The following GPC5 variants were observed in gnomAD, a reference collection of about 807,000 sequenced individuals.
GPC5 encodes glypican-5.
GPC5 carries 47 observed loss-of-function variants against 53.9 expected under a neutral mutation model. The ratio of observed to expected loss-of-function variants is 0.87; its 90% CI spans 0.69 to 1.11. The LOEUF (loss-of-function observed/expected upper bound fraction) is 1.11. Ranked by LOEUF, GPC5 falls within the 50% of genes most tolerant of loss-of-function variation. GPC5 has a pLI of 0.00. For missense variants in GPC5, 748 were observed against 713.1 expected (o/e 1.05, Z -0.56); for synonymous variants, 286 against 263.3 (o/e 1.09, Z -0.84).
At chr13:91,501,899 C>A (rs1243636727) in intron 2 of GPC5, among the ~76,000 whole-genome samples, 1 of 152,216 alleles carries the variant, frequency 6.6e-6, no homozygotes, top group Non-Finnish European at 1.5e-5. Flanking sequence ...ACATCCTCTC[C>A]AGCACCTGTT....
intron 7 of GPC5, among the ~76,000 whole-genome samples, chr13:92,482,243 G>T (rs9561068): frequency 0.58 from 88,702 of 151,950 alleles, 26,587 homozygotes; most frequent in East Asian, 0.74. Flanking sequence ...CATTTCAAAC[G>T]TGTCTTATGT....
chr13:92,125,015 T>C (rs1026619177), intron 6 of GPC5, among the ~76,000 whole-genome samples: 2 of 152,180 alleles, frequency 1.3e-5, no homozygotes, highest in African/African-American at 2.4e-5. Flanking sequence ...CAAGGAACTA[T>C]GTCTTGCCTC....
chr13:92,521,742 A>G (rs1318747560), intron 7 of GPC5, among the ~76,000 whole-genome samples: 1 of 152,216 alleles, frequency 6.6e-6, no homozygotes, highest in Non-Finnish European at 1.5e-5. Context: ...CTAAAACACC[A>G]AAAGCAATGG....
At chr13:92,844,450 G>A (rs990383907) in intron 7 of GPC5, among the ~76,000 whole-genome samples, 2 of 152,130 alleles carry the variant, frequency 1.3e-5, no homozygotes, top group Non-Finnish European at 2.9e-5. Context: ...AAATCTGGCA[G>A]AAGACTTAAC....
At chr13:91,681,492 G>A (rs1327519519) in intron 2 of GPC5, among the ~76,000 whole-genome samples, 1 of 152,150 alleles carries the variant, frequency 6.6e-6, no homozygotes, top group African/African-American at 2.4e-5. Context: ...TGGAATTTAT[G>A]CAGCATCACC....
intron 7 of GPC5, among the ~76,000 whole-genome samples, chr13:92,589,746 C>A (rs898819669): frequency 5.3e-5 from 8 of 152,132 alleles, no homozygotes; most frequent in African/African-American, 1.9e-4. Flanking sequence ...ATTAGTTAAA[C>A]TAGAGAGAAG....
intron 7 of GPC5, among the ~76,000 whole-genome samples, chr13:92,302,898 G>A (rs2043085056): frequency 6.6e-6 from 1 of 152,098 alleles, no homozygotes; most frequent in African/African-American, 2.4e-5. Context: ...GAGGATCAAA[G>A]GAGTGAAGAG....
At chr13:92,477,197 G>C (rs925487778) in intron 7 of GPC5, among the ~76,000 whole-genome samples, 3 of 152,088 alleles carry the variant, frequency 2.0e-5, no homozygotes, top group Admixed American at 2.0e-4. Flanking sequence ...GGAAACTATG[G>C]CTTTATATCT....
At chr13:91,904,009 A>G (rs1257359320) in intron 5 of GPC5, among the ~76,000 whole-genome samples, 6 of 152,130 alleles carry the variant, frequency 3.9e-5, no homozygotes, top group Admixed American at 6.6e-5. Context: ...GAAACACTGT[A>G]CGGCAAACCT....
intron 2 of GPC5, among the ~76,000 whole-genome samples, chr13:91,581,343 T>C (rs187186813): frequency 2.8e-4 from 42 of 152,340 alleles, no homozygotes; most frequent in African/African-American, 9.9e-4. Context: ...TTTGGCCCCA[T>C]CATGGTCAGC....
At chr13:92,232,277 TG>T (rs959525752) in intron 7 of GPC5, among the ~76,000 whole-genome samples, 3 of 150,036 alleles carry the variant, frequency 2.0e-5, no homozygotes, top group African/African-American at 7.4e-5. Context: ...GTCTGCGTGG[TG>T]GGGTGGGGGT....
At chr13:92,697,265 T>C (rs1765164403) in intron 7 of GPC5, among the ~76,000 whole-genome samples, 1 of 152,218 alleles carries the variant, frequency 6.6e-6, no homozygotes, top group African/African-American at 2.4e-5. Context: ...GGGGATAGCA[T>C]TGAATCTATA....
rs1566622168 is a variant in GPC5, at chr13:92,512,259, C to CGT, written c.1562-354022_1562-354021insTG. On this transcript the variant is annotated intron_variant, in intron 7 of 7. Coordinates refer to ENST00000377067, the MANE Select transcript of GPC5 (RefSeq NM_004466.6). ...ATGTGTGTGTGTGTGTGCGCGCGCGCGCGCGTACGCTGTGTGCATGCACGC... is the reference window on the plus strand; with the variant it reads ...ATGTGTGTGTGTGTGTGCGCGCGCGCGTGCGCGTACGCTGTGTGCATGCACGC... Among the ~76,000 whole-genome samples the CGT allele has an allele frequency of 2.8e-4, 43 of 151,946 alleles. 1 individual carries two copies. In the South Asian group the frequency reaches 8.1e-3, roughly 29 times the overall value.
intron 5 of GPC5, among the ~76,000 whole-genome samples, chr13:91,791,936 T>C (rs2037971745): frequency 6.6e-6 from 1 of 152,226 alleles, no homozygotes; most frequent in African/African-American, 2.4e-5. Flanking sequence ...AACGCTAATA[T>C]GAAGCTTGAT....
chr13:92,663,339 G>C (rs1886413366), intron 7 of GPC5, among the ~76,000 whole-genome samples: 1 of 151,914 alleles, frequency 6.6e-6, no homozygotes, highest in Admixed American at 6.6e-5. Context: ...TTTGATACAA[G>C]GGAGGGGGAT....
At chr13:92,705,916 T>A (rs1414211717) in intron 7 of GPC5, 3 of 146,252 alleles carry the variant, frequency 2.1e-5, no homozygotes, top group Admixed American at 1.4e-4. Context: ...CAAGACCTCA[T>A]CTCCACCAAA....
rs527325179 is a variant in GPC5, at chr13:92,443,793, T to TGGCC, written c.1561+298805_1561+298808dup. 1.8e-4 allele frequency among the ~76,000 whole-genome samples: 28 copies of TGGCC among 152,272 alleles called. No homozygotes were observed. In the South Asian group the frequency reaches 3.3e-3, roughly 18 times the overall value. The stretch of plus-strand genomic sequence containing the variant: ...ACATTTCTGAAAGCATTAGTGCAGG[T>TGGCC]GGCCATCTATTGAATAAGGAAGGCA... On this transcript the variant is annotated intron_variant, in intron 7 of 7. Transcript: ENST00000377067.
At chr13:92,649,263 T>G (rs1349320513) in intron 7 of GPC5, among the ~76,000 whole-genome samples, 6 of 151,996 alleles carry the variant, frequency 3.9e-5, no homozygotes, top group Non-Finnish European at 1.5e-5. Flanking sequence ...TGCTGTGGAG[T>G]TTTATAGGAA....
chr13:92,129,060 C>T (rs1251855670), intron 6 of GPC5, among the ~76,000 whole-genome samples: 1 of 152,162 alleles, frequency 6.6e-6, no homozygotes, highest in East Asian at 1.9e-4. Flanking sequence ...AAAACATGGC[C>T]AACCCCCTTG....
Sources: allele counts gnomAD v4.1 joint callset (sites outside exome capture counted in the v4.1 genomes callset), GRCh38; gene constraint gnomAD v4.1.1; transcripts MANE v1.5; gene names NCBI Gene and HGNC (gene_info 2026-07-23, HGNC 2026-07-21).